The following HPSE variants were observed in gnomAD, a reference collection of about 807,000 sequenced individuals.
HPSE encodes the protein heparanase.
HPSE carries 48 observed loss-of-function variants against 65.1 expected under a neutral mutation model. That is an observed-to-expected ratio of 0.74 (90% CI 0.58 to 0.94). The LOEUF (loss-of-function observed/expected upper bound fraction) is 0.94, where lower values mean the gene tolerates loss of function less well. HPSE is among the 40% of genes least tolerant of loss of function. The pLI is 0.00. For synonymous variants in HPSE, 243 were observed against 260.0 expected (o/e 0.93, Z 0.63); for missense variants, 644 against 637.5 (o/e 1.01, Z -0.11).
chr4:83,302,130 AG>A lies in HPSE; in HGVS notation c.1325+19del. 1 of 1,502,820 alleles carries A rather than the reference AG, an allele frequency of 6.7e-7. No homozygotes were observed. Among genetic ancestry groups the A allele is most frequent in the South Asian group, 1.1e-5 (1 of 88,510 alleles). 93.1% of individuals were successfully genotyped at this position (1,502,820 alleles called of 1,614,324 possible). A position where few individuals can be genotyped will look rare whatever the true frequency, so the allele number is the denominator to read the frequency against. On this transcript the variant is annotated intron_variant, in intron 10 of 11. Transcript: ENST00000311412. ...CCCACTAAAACTTGATGATTGGTAA[AG>A]GGTGTGTTTCATACTTACTTGTCAG...
intron 1 of HPSE, among the ~76,000 whole-genome samples, chr4:83,324,177 G>A (rs956585448): frequency 1.6e-5 from 2 of 124,792 alleles, no homozygotes; most frequent in African/African-American, 3.1e-5. Flanking sequence ...GCTGGAGTAC[G>A]ATGGCGTGAT....
At chr4:83,309,027 C>A in intron 7 of HPSE, 76 bp from the exon 8 acceptor site, 1 of 1,152,776 alleles carries the variant, frequency 8.7e-7, no homozygotes, top group Non-Finnish European at 1.3e-6. Context: ...TGAAGATTAA[C>A]AGCATTCAAA....
rs139343724 is a variant in HPSE at position 83,314,668 on chromosome 4, T to C, written c.500-1381A>G. Among the ~76,000 whole-genome samples the C allele has an allele frequency of 1.8e-3, 274 of 152,310 alleles. 1 individual carries two copies. Among genetic ancestry groups the C allele is most frequent in the African/African-American group, 6.2e-3 (259 of 41,572 alleles). Reference sequence around the variant, plus strand: ...TTTAAATTGATTATCATATGCATAATAAGTCCTTCCAATTTTCATGTATAT... The same window carrying C: ...TTTAAATTGATTATCATATGCATAACAAGTCCTTCCAATTTTCATGTATAT... On this transcript the variant is annotated intron_variant, in intron 3 of 11. Coordinates refer to ENST00000311412, the MANE Select transcript of HPSE (RefSeq NM_001098540.3).
At chr4:83,319,516 A>G (rs751091791) in intron 2 of HPSE, 47 bp from the exon 3 acceptor site, 3 of 1,584,924 alleles carry the variant, frequency 1.9e-6, no homozygotes, top group Non-Finnish European at 2.6e-6. Flanking sequence ...CACAGTGAGC[A>G]GACTGAAATC....
chr4:83,299,348 A>G (rs1735847763), intron 11 of HPSE, among the ~76,000 whole-genome samples: 1 of 127,240 alleles, frequency 7.9e-6, no homozygotes, highest in African/African-American at 2.9e-5. Context: ...TGGACAACAG[A>G]GTGAGACTCT....
chr4:83,315,605 A>G (rs546027482), intron 3 of HPSE, among the ~76,000 whole-genome samples: 10 of 152,192 alleles, frequency 6.6e-5, no homozygotes, highest in Non-Finnish European at 1.5e-4. Flanking sequence ...CAGAAATCAT[A>G]AGACTTGAGC....
intron 11 of HPSE, among the ~76,000 whole-genome samples, chr4:83,295,752 C>G (rs1233326242): frequency 6.6e-6 from 1 of 152,068 alleles, no homozygotes; most frequent in Non-Finnish European, 1.5e-5. Context: ...TACTGTCTGG[C>G]CCATTACAGA....
chr4:83,321,326 T>C (rs1227931561), intron 2 of HPSE, among the ~76,000 whole-genome samples: 1 of 152,220 alleles, frequency 6.6e-6, no homozygotes, highest in African/African-American at 2.4e-5. Context: ...TACTGATGAA[T>C]TGTTCTAAAT....
chr4:83,310,933 T>C lies in HPSE; in HGVS notation c.674-43A>G, dbSNP rs768205972. 25 of 1,496,820 alleles carry C rather than the reference T, an allele frequency of 1.7e-5. No individual in the cohort carries two copies. The Admixed American group carries it at 4.3e-4, about 26-fold the overall frequency. The allele number at this position is 1,496,820 out of a possible 1,614,324, so 92.7% of individuals were successfully genotyped here. On this transcript the variant is annotated intron_variant, in intron 4 of 11. Transcript: ENST00000311412. ...TCAAAATATATATCGAGAAATGTTG[T>C]ATTTAAAAGCAAACATATAGCAGTA...
chr4:83,322,799 G>T (rs867603003), intron 1 of HPSE, among the ~76,000 whole-genome samples: 78 of 132,716 alleles, frequency 5.9e-4, no homozygotes, highest in African/African-American at 2.7e-3. Flanking sequence ...TTGTGTGTGT[G>T]TGTGTGTGTG....
chr4:83,310,159 A>C, intron 5 of HPSE, 81 bp from the exon 6 acceptor site: 1 of 921,920 alleles, frequency 1.1e-6, no homozygotes, highest in Non-Finnish European at 1.7e-6. Flanking sequence ...TATTCCCTAG[A>C]AATGGGCTGG....
intron 4 of HPSE, 77 bp from the exon 5 acceptor site, chr4:83,310,967 C>T: frequency 8.5e-7 from 1 of 1,178,172 alleles, no homozygotes; most frequent in Non-Finnish European, 1.2e-6. Flanking sequence ...TATTTAAAAG[C>T]AACAAAACAT....
intron 1 of HPSE, among the ~76,000 whole-genome samples, chr4:83,325,551 G>A (rs1382221836): frequency 2.6e-5 from 4 of 152,236 alleles, no homozygotes; most frequent in Admixed American, 6.5e-5. Flanking sequence ...AATATTTGTT[G>A]CAGGCTGACT....
rs1296899112 is a variant in HPSE at position 83,300,950 on chromosome 4, A to G, written c.1472+10T>C. On this transcript the variant is annotated intron_variant, in intron 11 of 11. Transcript: ENST00000311412. Reference sequence around the variant, plus strand: ...TTGAAAGTTTGGAATGAACAAGGAAAATTACTTACTTGGAAAGTAATCCAT... The same window carrying G: ...TTGAAAGTTTGGAATGAACAAGGAAGATTACTTACTTGGAAAGTAATCCAT... 6.4e-7 allele frequency: 1 copy of G among 1,569,156 alleles called. No individual in the cohort carries two copies. The highest frequency in any genetic ancestry group is 8.7e-7 in the Non-Finnish European group (1 of 1,154,976).
chr4:83,322,446 T>C lies in HPSE; in HGVS notation c.228-82A>G, dbSNP rs759768606. 13 of 1,165,152 alleles carry C rather than the reference T, an allele frequency of 1.1e-5. No individual in the cohort carries two copies. The South Asian group carries it at 1.9e-4, about 17-fold the overall frequency. 72.2% of individuals were successfully genotyped at this position (1,165,152 alleles called of 1,614,324 possible). A position where few individuals can be genotyped will look rare whatever the true frequency, so the allele number is the denominator to read the frequency against. ...ACATTCTTACTTCCTTCTTTCCTGGTGGACCTATTTCTTAACATTTCCCTG... is the reference window on the plus strand; with the variant it reads ...ACATTCTTACTTCCTTCTTTCCTGGCGGACCTATTTCTTAACATTTCCCTG... On this transcript the variant is annotated intron_variant, in intron 1 of 11. Coordinates refer to ENST00000311412, the MANE Select transcript of HPSE (RefSeq NM_001098540.3).
chr4:83,297,110 A>G (rs1735761054), intron 11 of HPSE, among the ~76,000 whole-genome samples: 1 of 152,192 alleles, frequency 6.6e-6, no homozygotes, highest in Admixed American at 6.5e-5. Flanking sequence ...ACTTAACACA[A>G]TGATAGCTTG....
In HPSE at chr4:83,310,732, T is replaced by A. The variant is rs1736334044; in HGVS notation, c.832A>T (p.Met278Leu). 4 of 1,612,008 alleles carry A rather than the reference T, an allele frequency of 2.5e-6. No homozygotes were observed. Among genetic ancestry groups the A allele is most frequent in the Non-Finnish European group, 3.4e-6 (4 of 1,179,334 alleles). ...TCCTCTAGTTCCTACCTCTTCAGCA[T>A]CTTAGCCGTCTTTCTTCGAGGCTGA... ...VGQPRRKTAK[M>L]LKSFLKAGGE... The change falls in exon 5 of 12, where the codon ATG becomes TTG. Residue 278 changes from methionine to leucine, a missense_variant. Coordinates refer to ENST00000311412, the MANE Select transcript of HPSE (RefSeq NM_001098540.3).
At position 83,319,401 on chromosome 4, in the gene HPSE, C is replaced by A; in HGVS notation, c.442G>T (p.Glu148Ter). 1 of 1,613,852 alleles carries A rather than the reference C, an allele frequency of 6.2e-7. No homozygotes were observed. The highest frequency in any genetic ancestry group is 8.5e-7 in the Non-Finnish European group (1 of 1,179,868). ...TAGTGTTCTCGGAGTAGCAATTGCT[C>A]CTGGTAGGGCCATTCCAACCGTAAC... is the stretch of plus-strand genomic sequence containing the variant. Reference protein sequence around the residue: ...EKLRLEWPYQEQLLLREHYQK... With the variant: ...EKLRLEWPYQ Residue 148 changes from glutamate (E) to a stop codon, truncating the protein, a stop_gained, in exon 3 of 12, where the codon GAG becomes TAG. Transcript: ENST00000311412. LOFTEE classifies it high-confidence loss of function.
At chr4:83,306,385 C>T (rs1050680446) in intron 8 of HPSE, 68 bp from the exon 9 acceptor site, 26 of 752,770 alleles carry the variant, frequency 3.5e-5, no homozygotes, top group Middle Eastern at 2.3e-4. Flanking sequence ...AATTGCACAC[C>T]ATCTTGATTT....
Sources: allele counts gnomAD v4.1 joint callset (sites outside exome capture counted in the v4.1 genomes callset), GRCh38; gene constraint gnomAD v4.1.1; transcripts MANE v1.5; gene names NCBI Gene and HGNC (gene_info 2026-07-23, HGNC 2026-07-21).